PDZRN3: variants seen among roughly 807,000 people sequenced by gnomAD.
PDZRN3 encodes the protein E3 ubiquitin-protein ligase PDZRN3.
Under a neutral mutation model 85.7 loss-of-function variants are expected in PDZRN3, and 38 were observed. The observed-to-expected ratio is 0.44, with a 90% CI of 0.34 to 0.58. PDZRN3 has a LOEUF of 0.58. PDZRN3 is among the 20% of genes least tolerant of loss of function. The pLI is 0.01. For missense variants in PDZRN3, 1,629 were observed against 1,506.4 expected (o/e 1.08, Z -1.35); for synonymous variants, 759 against 638.0 (o/e 1.19, Z -2.86).
intron 3 of PDZRN3, among the ~76,000 whole-genome samples, chr3:73,436,874 T>C (rs1327860284): frequency 3.3e-5 from 5 of 151,870 alleles, no homozygotes; most frequent in African/African-American, 1.2e-4. Context: ...GGTGAAACCC[T>C]GTCTCTACTA....
chr3:73,473,772 A>T (rs1011731049), intron 3 of PDZRN3, among the ~76,000 whole-genome samples: 1 of 152,198 alleles, frequency 6.6e-6, no homozygotes, highest in Non-Finnish European at 1.5e-5. Context: ...GCCAAGAGCC[A>T]TGGGAGTGAA....
At position 73,481,318 on chromosome 3, in the gene PDZRN3, A is replaced by G. The variant is rs150156196; in HGVS notation, c.919-76923T>C. Among the ~76,000 whole-genome samples the G allele has an allele frequency of 8.3e-4, 126 of 152,350 alleles. 1 individual carries two copies. Among genetic ancestry groups the G allele is most frequent in the Non-Finnish European group, 1.3e-3 (90 of 68,036 alleles). On this transcript the variant is annotated intron_variant, in intron 3 of 9. Transcript: ENST00000263666. ...AGAATGAAGAGAATACAATTTATTA[A>G]AATTAATAAAATGTGTGAGGGCAGG...
intron 3 of PDZRN3, among the ~76,000 whole-genome samples, chr3:73,590,075 C>T (rs888915046): frequency 6.6e-6 from 1 of 151,864 alleles, no homozygotes; most frequent in African/African-American, 2.4e-5. Context: ...TCAAGACCCT[C>T]CTGGAAAACA....
chr3:73,470,522 G>A (rs1703315279), intron 3 of PDZRN3, among the ~76,000 whole-genome samples: 1 of 152,202 alleles, frequency 6.6e-6, no homozygotes, highest in South Asian at 2.1e-4. Flanking sequence ...GTAAGAGGTG[G>A]TGGTAGGATT....
At chr3:73,453,418 A>ACC (rs1295250013) in intron 3 of PDZRN3, among the ~76,000 whole-genome samples, 5 of 136,676 alleles carry the variant, frequency 3.7e-5, no homozygotes, top group Non-Finnish European at 8.0e-5. Flanking sequence ...AAAAAAAAAA[A>ACC]AAAAACAAAA....
chr3:73,520,013 C>T (rs1001622559), intron 3 of PDZRN3, among the ~76,000 whole-genome samples: 1 of 152,112 alleles, frequency 6.6e-6, no homozygotes, highest in Non-Finnish European at 1.5e-5. Flanking sequence ...CACTGCAAAA[C>T]CTGCATCCCA....
intron 3 of PDZRN3, among the ~76,000 whole-genome samples, chr3:73,472,863 G>GT (rs1703372975): frequency 6.6e-6 from 1 of 152,186 alleles, no homozygotes; most frequent in Non-Finnish European, 1.5e-5. Context: ...ATAAATGACT[G>GT]TTTGACATGT....
chr3:73,420,074 C>T (rs879366589), intron 3 of PDZRN3, among the ~76,000 whole-genome samples: 3 of 152,150 alleles, frequency 2.0e-5, no homozygotes, highest in Non-Finnish European at 4.4e-5. Flanking sequence ...GAAACATGGC[C>T]CTCTCTGGAT....
intron 3 of PDZRN3, among the ~76,000 whole-genome samples, chr3:73,573,188 A>C (rs1245480595): frequency 6.6e-6 from 1 of 152,134 alleles, no homozygotes; most frequent in Non-Finnish European, 1.5e-5. Context: ...TTAAGGTAGG[A>C]CCCCAGAGCA....
intron 3 of PDZRN3, among the ~76,000 whole-genome samples, chr3:73,543,866 T>A (rs540663256): frequency 7.7e-4 from 117 of 152,300 alleles, no homozygotes; most frequent in African/African-American, 2.3e-3. Flanking sequence ...TTAGCTGTTA[T>A]TATCAAAATA....
Position 73,384,091 on chromosome 3 carries a change from G to A in PDZRN3, c.2475C>T (p.Ser825=). Residue 825 remains serine, a synonymous_variant, in exon 10 of 10, where the codon TCC becomes TCT. Transcript: ENST00000263666. ...GCTGGTTGGGGTCCAGCTCCTTCAG[G>A]GACGGGCTATAGGTAGGGGTGCCCA... is the stretch of plus-strand genomic sequence containing the variant. ...PEVGTPTYSP[S]LKELDPNQPL... 6.2e-7 allele frequency: 1 copy of A among 1,613,652 alleles called. No individual in the cohort carries two copies. Among genetic ancestry groups the A allele is most frequent in the Non-Finnish European group, 8.5e-7 (1 of 1,179,904 alleles).
intron 5 of PDZRN3, among the ~76,000 whole-genome samples, chr3:73,399,405 C>T (rs145439983): frequency 7.9e-4 from 120 of 152,302 alleles, no homozygotes; most frequent in Admixed American, 2.3e-3. Context: ...GGGGGAAATT[C>T]TGCCCACTCC....
intron 5 of PDZRN3, among the ~76,000 whole-genome samples, chr3:73,397,994 C>T (rs892201722): frequency 6.6e-6 from 1 of 152,036 alleles, no homozygotes; most frequent in African/African-American, 2.4e-5. Context: ...GTGGTGACTT[C>T]GTGATTTTGC....
chr3:73,424,541 C>CAA lies in PDZRN3; in HGVS notation c.919-20148_919-20147dup, dbSNP rs34550639. Among the ~76,000 whole-genome samples the CAA allele has an allele frequency of 1.6e-3, 85 of 53,930 alleles. 1 individual carries two copies. Among genetic ancestry groups the CAA allele is most frequent in the African/African-American group, 2.3e-3 (30 of 13,254 alleles). 35.4% of individuals were successfully genotyped at this position (53,930 alleles called of 152,430 possible). A position where few individuals can be genotyped will look rare whatever the true frequency, so the allele number is the denominator to read the frequency against. On this transcript the variant is annotated intron_variant, in intron 3 of 9. Coordinates refer to ENST00000263666, the MANE Select transcript of PDZRN3 (RefSeq NM_015009.3). Reference sequence around the variant, plus strand: ...TGGGAGACAGAGTGAGACTCCATCTCAAAAAAAAAAAAAAAAAAAAAAAGA... The same window carrying CAA: ...TGGGAGACAGAGTGAGACTCCATCTCAAAAAAAAAAAAAAAAAAAAAAAAAGA...
At chr3:73,483,674 A>G (rs1703609860) in intron 3 of PDZRN3, among the ~76,000 whole-genome samples, 2 of 152,220 alleles carry the variant, frequency 1.3e-5, no homozygotes. Context: ...CTACAACCCA[A>G]TCAGTGAACA....
chr3:73,463,348 G>C (rs573294822), intron 3 of PDZRN3, among the ~76,000 whole-genome samples: 2 of 152,192 alleles, frequency 1.3e-5, no homozygotes, highest in Non-Finnish European at 2.9e-5. Flanking sequence ...TGTTGTCCCT[G>C]AGATGACTGG....
chr3:73,527,819 T>C (rs918203982), intron 3 of PDZRN3, among the ~76,000 whole-genome samples: 2 of 152,142 alleles, frequency 1.3e-5, no homozygotes, highest in African/African-American at 4.8e-5. Flanking sequence ...TCACTTTTCA[T>C]GTCATGTCCC....
At chr3:73,540,569 G>C (rs1704896937) in intron 3 of PDZRN3, among the ~76,000 whole-genome samples, 1 of 152,164 alleles carries the variant, frequency 6.6e-6, no homozygotes, top group African/African-American at 2.4e-5. Flanking sequence ...TCTTGTGATA[G>C]TGAATGAGTT....
At chr3:73,559,573 C>G (rs1473694995) in intron 3 of PDZRN3, among the ~76,000 whole-genome samples, 1 of 152,200 alleles carries the variant, frequency 6.6e-6, no homozygotes, top group Non-Finnish European at 1.5e-5. Context: ...GGCCTTGGAG[C>G]CTTCAGTTGA....
Sources: allele counts gnomAD v4.1 joint callset (sites outside exome capture counted in the v4.1 genomes callset), GRCh38; gene constraint gnomAD v4.1.1; transcripts MANE v1.5; gene names NCBI Gene and HGNC (gene_info 2026-07-23, HGNC 2026-07-21).